RFC4: variants seen among roughly 807,000 people sequenced by gnomAD.
RFC4 encodes the protein replication factor C subunit 4.
RFC4 carries 38 observed loss-of-function variants against 47.6 expected under a neutral mutation model. The ratio of observed to expected loss-of-function variants is 0.80; its 90% CI spans 0.62 to 1.05. RFC4 has a LOEUF of 1.05. RFC4 is among the 50% of genes least tolerant of loss of function. The pLI is 0.00. For missense variants in RFC4, 489 were observed against 434.0 expected (o/e 1.13, Z -1.13); for synonymous variants, 164 against 150.0 (o/e 1.09, Z -0.68).
chr3:186,804,850 G>A (rs949335238), intron 1 of RFC4, 126 bp from the exon 2 acceptor site: 3 of 823,504 alleles, frequency 3.6e-6, no homozygotes, highest in Non-Finnish European at 5.7e-6. Context: ...AATAAACTTA[G>A]CCTTGTGCAA....
At chr3:186,794,922 T>A in intron 4 of RFC4, 145 bp from the exon 5 acceptor site, 1 of 831,998 alleles carries the variant, frequency 1.2e-6, no homozygotes, top group Non-Finnish European at 1.8e-6. Context: ...CATTCTCGCT[T>A]CAGCAGAGTG....
chr3:186,801,100 C>T lies in RFC4; in HGVS notation c.210+17G>A, dbSNP rs1170573669. The T allele has an allele frequency of 6.3e-7, 1 of 1,583,734 alleles. No individual in the cohort carries two copies. Among genetic ancestry groups the T allele is most frequent in the East Asian group, 2.2e-5 (1 of 44,686 alleles). ...TCTTAAATATCCCAATGACATTAAA[C>T]ACCATTTGCAACTCACATCTGCTCC... On this transcript the variant is annotated intron_variant, in intron 3 of 10. Transcript: ENST00000296273.
intron 1 of RFC4, 108 bp from the exon 2 acceptor site, chr3:186,804,832 AG>A (rs1424548415): frequency 2.2e-5 from 23 of 1,068,276 alleles, no homozygotes; most frequent in Non-Finnish European, 2.3e-5. Flanking sequence ...GAGAAAGTAC[AG>A]CCCGAAAATA....
At chr3:186,800,277 G>A (rs751693334) in intron 3 of RFC4, among the ~76,000 whole-genome samples, 52 of 152,214 alleles carry the variant, frequency 3.4e-4, no homozygotes, top group African/African-American at 9.6e-4. Flanking sequence ...AAGAGTATGC[G>A]AGTCAAATCA....
At chr3:186,791,986 G>GA in intron 7 of RFC4, 136 bp from the exon 8 acceptor site, 1 of 729,810 alleles carries the variant, frequency 1.4e-6, no homozygotes, top group Non-Finnish European at 2.2e-6. Context: ...TGTTTTGGGA[G>GA]AAAATATGAT....
chr3:186,801,204 G>C lies in RFC4; in HGVS notation c.132-9C>G. The C allele has an allele frequency of 1.2e-6, 2 of 1,610,224 alleles. No homozygotes were observed. Among genetic ancestry groups the C allele is most frequent in the South Asian group, 1.1e-5 (1 of 91,002 alleles). ...CCACACATTTTGGGCGACTTGCGGGGTGAGAAGGAGGAAAGAGGTTATTTA... is the reference window on the plus strand; with the variant it reads ...CCACACATTTTGGGCGACTTGCGGGCTGAGAAGGAGGAAAGAGGTTATTTA... On this transcript the variant is annotated splice_polypyrimidine_tract_variant and intron_variant, in intron 2 of 10. Transcript: ENST00000296273.
intron 7 of RFC4, among the ~76,000 whole-genome samples, 173 bp from the exon 8 acceptor site, chr3:186,792,023 G>A (rs1722151840): frequency 6.6e-6 from 1 of 152,136 alleles, no homozygotes; most frequent in Admixed American, 6.6e-5. Context: ...TACAATGGAA[G>A]GATAGAGATC....
chr3:186,791,858 GAA>G lies in RFC4; in HGVS notation c.676-10_676-9del. 3 of 1,608,188 alleles carry G rather than the reference GAA, an allele frequency of 1.9e-6. No individual in the cohort carries two copies. The highest frequency in any genetic ancestry group is 2.6e-6 in the Non-Finnish European group (3 of 1,176,420). On this transcript the variant is annotated splice_polypyrimidine_tract_variant and intron_variant, in intron 7 of 10. Coordinates refer to ENST00000296273, the MANE Select transcript of RFC4 (RefSeq NM_002916.5). ...AACAAGATAAGCTATTCCCTGAAGA[GAA>G]AAGAGTTGTTTTTAACCTATGATGG...
At chr3:186,790,934 C>A (rs939752374) in intron 8 of RFC4, among the ~76,000 whole-genome samples, 3 of 151,168 alleles carry the variant, frequency 2.0e-5, no homozygotes. Flanking sequence ...ATTAGTGGTA[C>A]CAGTCTTGTC....
intron 3 of RFC4, among the ~76,000 whole-genome samples, chr3:186,797,995 T>A (rs183269534): frequency 2.5e-4 from 38 of 152,270 alleles, no homozygotes; most frequent in Non-Finnish European, 4.0e-4. Context: ...TTACACAAAA[T>A]GTCAGCTGCT....
chr3:186,790,908 C>T (rs939024053), intron 8 of RFC4, among the ~76,000 whole-genome samples: 2 of 152,110 alleles, frequency 1.3e-5, no homozygotes, highest in Admixed American at 1.3e-4. Flanking sequence ...TGAAAAACGT[C>T]ATAGAAACAA....
At chr3:186,797,482 G>T (rs762749900) in intron 4 of RFC4, 53 bp downstream of exon 4, 177 of 1,172,368 alleles carry the variant, frequency 1.5e-4, no homozygotes, top group Non-Finnish European at 2.1e-4. Flanking sequence ...CAATATCAGA[G>T]AATTTTGGTG....
chr3:186,790,473 G>T, intron 8 of RFC4, 67 bp from the exon 9 acceptor site: 1 of 1,109,656 alleles, frequency 9.0e-7, no homozygotes, highest in Non-Finnish European at 1.4e-6. Context: ...TCTGCCAACT[G>T]GCCCCCGTGC....
rs763352415 is a variant in RFC4, at chr3:186,790,422, T to C, written c.802-16A>G. The C allele has an allele frequency of 7.6e-6, 12 of 1,579,222 alleles. No homozygotes were observed. Among genetic ancestry groups the C allele is most frequent in the Non-Finnish European group, 1.0e-5 (12 of 1,148,476 alleles). On this transcript the variant is annotated splice_polypyrimidine_tract_variant and intron_variant, in intron 8 of 10. Coordinates refer to ENST00000296273, the MANE Select transcript of RFC4 (RefSeq NM_002916.5). The stretch of plus-strand genomic sequence containing the variant: ...CTGGTATTACCTAGGTAATTGAATG[T>C]TCGGTATTAAAGATGTTTCTAGGTG...
chr3:186,797,706 A>G, intron 3 of RFC4, 92 bp from the exon 4 acceptor site: 1 of 827,908 alleles, frequency 1.2e-6, no homozygotes. Flanking sequence ...GAATAGTGCA[A>G]TGACTTCTCT....
Position 186,790,057 on chromosome 3 carries a change from T to C in RFC4, c.1004A>G (p.Asp335Gly). 2.5e-6 allele frequency: 4 copies of C among 1,613,474 alleles called. No individual in the cohort carries two copies. The highest frequency in any genetic ancestry group is 3.4e-6 in the Non-Finnish European group (4 of 1,179,442). The part of the protein sequence containing the change: ...SIITEKLAEV[D>G]KCLADGADEH... ...ATCAGCACCATCTGCTAGGCATTTGTCAACTTCCTACGAGAAAAATTTAAG... is the reference window on the plus strand; with the variant it reads ...ATCAGCACCATCTGCTAGGCATTTGCCAACTTCCTACGAGAAAAATTTAAG... Residue 335 changes from aspartate to glycine, a missense_variant, in exon 11 of 11, where the codon GAC becomes GGC. Physicochemically the swap from Asp to Gly is moderately conservative, Grantham distance 94 (BLOSUM62 -1). Around this residue, in one of 2 missense-constraint regions of RFC4, gnomAD observed 283 missense variants for 176.2 expected, o/e 1.61. Coordinates refer to ENST00000296273, the MANE Select transcript of RFC4 (RefSeq NM_002916.5).
At chr3:186,791,252 C>T (rs774116082) in intron 8 of RFC4, 19 of 167,432 alleles carry the variant, frequency 1.1e-4, no homozygotes, top group Non-Finnish European at 2.1e-4. Context: ...GAAGGCTAAG[C>T]GGGGGGCGGA....
At chr3:186,804,198 A>T (rs987142835) in intron 2 of RFC4, among the ~76,000 whole-genome samples, 8 of 152,114 alleles carry the variant, frequency 5.3e-5, no homozygotes, top group African/African-American at 1.9e-4. Flanking sequence ...TAGTAATAAT[A>T]ATAATAATAC....
intron 2 of RFC4, among the ~76,000 whole-genome samples, chr3:186,803,069 G>A (rs968492918): frequency 7.9e-5 from 12 of 152,146 alleles, no homozygotes; most frequent in African/African-American, 2.4e-4. Context: ...GGGGCTGGGC[G>A]CAGTGACTCA....
Sources: gnomAD v4.1 joint callset for allele counts (sites outside exome capture counted in the v4.1 genomes callset) on GRCh38, gnomAD v4.1.1 for gene constraint, gnomAD v4.1.1 regional missense constraint, MANE v1.5 for transcripts, NCBI Gene and HGNC (gene_info 2026-07-23, HGNC 2026-07-21) for gene names.